The following CCDC171 variants were observed in gnomAD, a reference collection of about 807,000 sequenced individuals.
The protein encoded by CCDC171 is coiled-coil domain containing 171.
In CCDC171, 177 loss-of-function variants were observed where a neutral mutation model predicts 168.2. The observed-to-expected ratio is 1.05, with a 90% CI of 0.93 to 1.19. The LOEUF is 1.19. CCDC171 is among the 50% of genes most tolerant of loss of function. The pLI, the probability that CCDC171 is intolerant of heterozygous loss-of-function variation, is 0.00. For missense variants in CCDC171, 1,991 were observed against 1,539.0 expected (o/e 1.29, Z -4.91); for synonymous variants, 687 against 540.8 (o/e 1.27, Z -3.75).
chr9:15,854,785 A>T (rs1488286833), intron 23 of CCDC171, among the ~76,000 whole-genome samples: 3 of 151,240 alleles, frequency 2.0e-5, no homozygotes, highest in Non-Finnish European at 4.4e-5. Flanking sequence ...TTGGTTTATT[A>T]TTTTTTTATA....
intron 16 of CCDC171, among the ~76,000 whole-genome samples, chr9:15,744,048 C>G (rs1330953246): frequency 6.6e-6 from 1 of 152,056 alleles, no homozygotes; most frequent in East Asian, 1.9e-4. Context: ...TTACATAAAG[C>G]TTCTATGTGA....
intron 21 of CCDC171, among the ~76,000 whole-genome samples, chr9:15,799,774 C>G (rs898805932): frequency 2.0e-5 from 3 of 152,014 alleles, no homozygotes; most frequent in Non-Finnish European, 4.4e-5. Flanking sequence ...ACATTCCCCA[C>G]TACTCTTCTC....
the CCDC171 span, among the ~76,000 whole-genome samples, chr9:16,078,180 C>G: frequency 6.6e-6 from 1 of 152,018 alleles, no homozygotes; most frequent in Non-Finnish European, 1.5e-5. Flanking sequence ...ACATTGTACA[C>G]CTTGAATACG....
In CCDC171 at chr9:15,559,474, T is replaced by G. The variant is rs1209708614; in HGVS notation, c.-111-4504T>G. On this transcript the variant is annotated intron_variant, in intron 1 of 25. Coordinates refer to ENST00000380701, the MANE Select transcript of CCDC171 (RefSeq NM_173550.4). ...GCTCTTCTTGTTGAACTGATCCCTT[T>G]ACCATTATGTAATGGCCTTCTTTGT... 3.3e-5 allele frequency among the ~76,000 whole-genome samples: 5 copies of G among 152,320 alleles called. No homozygotes were observed. In the East Asian group the frequency reaches 7.7e-4, roughly 23 times the overall value.
intron 24 of CCDC171, among the ~76,000 whole-genome samples, chr9:15,914,942 C>T (rs755495487): frequency 6.6e-6 from 1 of 152,110 alleles, no homozygotes; most frequent in East Asian, 1.9e-4. Context: ...GGTGATGCCC[C>T]ACTCTGCTTC....
At chr9:15,943,020 T>C (rs1214993204) in intron 25 of CCDC171, among the ~76,000 whole-genome samples, 1 of 151,926 alleles carries the variant, frequency 6.6e-6, no homozygotes, top group Non-Finnish European at 1.5e-5. Flanking sequence ...AGGAGATGGG[T>C]CCTGAGTTAA....
At chr9:15,961,093 ATTG>A (rs1830290046) in intron 25 of CCDC171, among the ~76,000 whole-genome samples, 1 of 152,168 alleles carries the variant, frequency 6.6e-6, no homozygotes, top group Non-Finnish European at 1.5e-5. Flanking sequence ...AGATACTTAT[ATTG>A]TTAGAAAGGT....
At chr9:16,106,374 T>G in the CCDC171 span, among the ~76,000 whole-genome samples, 54 of 152,166 alleles carry the variant, frequency 3.5e-4, no homozygotes, top group African/African-American at 1.3e-3. Flanking sequence ...GACTCCGCAT[T>G]TCCGTAGCTC....
At chr9:15,582,794 C>A (rs371988087) in intron 4 of CCDC171, among the ~76,000 whole-genome samples, 1 of 150,514 alleles carries the variant, frequency 6.6e-6, no homozygotes, top group African/African-American at 2.4e-5. Context: ...AGGTGGGGGG[C>A]TGGGGGAGGG....
chr9:15,612,681 T>G (rs2043788225), intron 6 of CCDC171, among the ~76,000 whole-genome samples: 1 of 152,216 alleles, frequency 6.6e-6, no homozygotes, highest in Non-Finnish European at 1.5e-5. Flanking sequence ...TTGTGTGCTT[T>G]GTTCATTTCT....
chr9:16,052,448 G>A (rs965062498), intron 1 of CCDC171, among the ~76,000 whole-genome samples: 3 of 152,096 alleles, frequency 2.0e-5, no homozygotes, highest in East Asian at 1.9e-4. Flanking sequence ...ACACATGTGC[G>A]GCCTCCTTTT....
chr9:16,103,772 C>T, the CCDC171 span, among the ~76,000 whole-genome samples: 8 of 152,178 alleles, frequency 5.3e-5, no homozygotes, highest in African/African-American at 1.9e-4. Flanking sequence ...AGCCCAGTGA[C>T]CTGACAAGCG....
At position 15,686,725 on chromosome 9, in the gene CCDC171, CAT is replaced by C. The variant is rs951052108; in HGVS notation, c.1215+7830_1215+7831del. Among the ~76,000 whole-genome samples the C allele has an allele frequency of 5.9e-5, 9 of 152,124 alleles. No individual in the cohort carries two copies. The South Asian group carries it at 6.2e-4, about 10-fold the overall frequency. ...ACCAGAACGATCTAACATTTATAAA[CAT>C]GTGTACACCTAACAACAGACCTCCA... On this transcript the variant is annotated intron_variant, in intron 10 of 25. Coordinates refer to ENST00000380701, the MANE Select transcript of CCDC171 (RefSeq NM_173550.4).
intron 1 of CCDC171, among the ~76,000 whole-genome samples, chr9:15,562,108 T>C (rs879335613): frequency 1.3e-5 from 2 of 152,020 alleles, no homozygotes; most frequent in Non-Finnish European, 2.9e-5. Context: ...GATTCTCCTA[T>C]CTCAACCTCC....
intron 22 of CCDC171, among the ~76,000 whole-genome samples, chr9:15,847,392 T>G (rs140220201): frequency 6.6e-6 from 1 of 152,082 alleles, no homozygotes; most frequent in Non-Finnish European, 1.5e-5. Context: ...TAGAAAAATA[T>G]AGTTTTCAGA....
At chr9:15,761,773 A>G (rs914819123) in intron 18 of CCDC171, among the ~76,000 whole-genome samples, 12 of 152,176 alleles carry the variant, frequency 7.9e-5, no homozygotes, top group African/African-American at 2.7e-4. Context: ...GGGAGCCACA[A>G]TTTAACTTAC....
intron 24 of CCDC171, among the ~76,000 whole-genome samples, chr9:15,877,316 T>A (rs1159209082): frequency 6.6e-6 from 1 of 152,086 alleles, no homozygotes; most frequent in African/African-American, 2.4e-5. Context: ...GGGTGGCTGT[T>A]GTTATTGCAG....
At chr9:15,910,717 C>T (rs1823499389) in intron 24 of CCDC171, among the ~76,000 whole-genome samples, 2 of 151,988 alleles carry the variant, frequency 1.3e-5, no homozygotes, top group Non-Finnish European at 2.9e-5. Flanking sequence ...CCACAACAGG[C>T]CCCGGTGTGT....
At chr9:15,841,697 A>G (rs1278254695) in intron 21 of CCDC171, among the ~76,000 whole-genome samples, 1 of 151,934 alleles carries the variant, frequency 6.6e-6, no homozygotes, top group Non-Finnish European at 1.5e-5. Flanking sequence ...ATATACCAAC[A>G]TCTTTTATTG....
Sources: gnomAD v4.1 joint callset for allele counts (sites outside exome capture counted in the v4.1 genomes callset) on GRCh38, gnomAD v4.1.1 for gene constraint, MANE v1.5 for transcripts, NCBI Gene and HGNC (gene_info 2026-07-23, HGNC 2026-07-21) for gene names.